Variants in RNF150 observed in about 807,000 individuals in gnomAD.
RNF150 encodes the protein ring finger protein 150.
A neutral mutation model predicts 39.3 loss-of-function variants in RNF150; 24 were observed. The ratio of observed to expected loss-of-function variants is 0.61; its 90% CI spans 0.44 to 0.86. The LOEUF (loss-of-function observed/expected upper bound fraction) is 0.86, where lower values mean the gene tolerates loss of function less well. Ranked by LOEUF, RNF150 falls within the 40% of genes least tolerant of loss-of-function variation. The pLI, the probability that RNF150 is intolerant of heterozygous loss-of-function variation, is 0.00. For synonymous variants in RNF150, 255 were observed against 227.3 expected, an observed-to-expected ratio of 1.12 and a Z score of -1.10; for missense variants, 502 against 587.8, an observed-to-expected ratio of 0.85 and a Z score of 1.51.
At chr4:141,154,539 G>A (rs935798758) in intron 1 of RNF150, among the ~76,000 whole-genome samples, 3 of 152,138 alleles carry the variant, frequency 2.0e-5, no homozygotes, top group African/African-American at 7.2e-5. Context: ...ACACACACTC[G>A]AGAACAAGTG....
chr4:140,937,102 T>A (rs923608649), intron 4 of RNF150, among the ~76,000 whole-genome samples: 1 of 152,152 alleles, frequency 6.6e-6, no homozygotes, highest in African/African-American at 2.4e-5. Context: ...GGAATGTATC[T>A]GAAGGGATAA....
Position 140,865,951 on chromosome 4 carries a change from C to T in RNF150, c.*2310G>A, listed in dbSNP as rs1307999572. The stretch of plus-strand genomic sequence containing the variant: ...TACTAAAATTTGTTTTGGGCAAAGC[C>T]GACTGAAGGAGGAGTCAGTGGCGCA... On this transcript the variant is annotated 3_prime_UTR_variant, in exon 7 of 7. Transcript: ENST00000515673. 1 of 152,124 alleles carries T rather than the reference C, an allele frequency of 6.6e-6. No individual in the cohort carries two copies. The highest frequency in any genetic ancestry group is 6.5e-5 in the Admixed American group (1 of 15,268). The allele number at this position is 152,124 out of a possible 1,614,324, so 9.4% of individuals were successfully genotyped here. A position where few individuals can be genotyped will look rare whatever the true frequency, so the allele number is the denominator to read the frequency against.
intron 1 of RNF150, among the ~76,000 whole-genome samples, chr4:141,078,929 A>G (rs1258414318): frequency 4.3e-5 from 6 of 140,388 alleles, no homozygotes; most frequent in African/African-American, 1.9e-4. Context: ...ATATATACAT[A>G]TATATACACA....
intron 1 of RNF150, among the ~76,000 whole-genome samples, chr4:140,980,801 C>T (rs1261648913): frequency 6.6e-6 from 1 of 152,124 alleles, no homozygotes; most frequent in Non-Finnish European, 1.5e-5. Flanking sequence ...AATGTCTTTC[C>T]TTTATAAATT....
chr4:141,126,854 G>A lies in RNF150; in HGVS notation c.484+5471C>T, dbSNP rs529758260. On this transcript the variant is annotated intron_variant, in intron 1 of 6. Coordinates refer to ENST00000515673, the MANE Select transcript of RNF150 (RefSeq NM_020724.2). ...AATAAGAAAACTGAGGGTGAGAAGA[G>A]AAAAAGTGACTGACTCAAAGTCAAA... 4.6e-5 allele frequency among the ~76,000 whole-genome samples: 7 copies of A among 152,248 alleles called. No homozygotes were observed. The South Asian group carries it at 1.4e-3, about 32-fold the overall frequency.
intron 1 of RNF150, among the ~76,000 whole-genome samples, chr4:141,206,862 A>G (rs1457308601): frequency 6.6e-6 from 1 of 152,076 alleles, no homozygotes; most frequent in East Asian, 1.9e-4. Context: ...AAACCAAGGA[A>G]GCCAGTAGTG....
intron 1 of RNF150, among the ~76,000 whole-genome samples, chr4:141,148,434 G>A (rs749214178): frequency 1.4e-4 from 21 of 152,048 alleles, no homozygotes; most frequent in Non-Finnish European, 1.9e-4. Context: ...GCTTTAGCAG[G>A]TTCTTAAAGC....
At position 140,941,833 on chromosome 4, in the gene RNF150, A is replaced by G. The variant is rs143410537; in HGVS notation, c.890+5821T>C. Among the ~76,000 whole-genome samples the G allele has an allele frequency of 8.5e-5, 13 of 152,330 alleles. 1 individual carries two copies. In the East Asian group the frequency reaches 2.5e-3, roughly 29 times the overall value. On this transcript the variant is annotated intron_variant, in intron 4 of 6. Coordinates refer to ENST00000515673, the MANE Select transcript of RNF150 (RefSeq NM_020724.2). ...AGCAATAATAATATAAATATATAAA[A>G]TTATCACTGTCAGGGTTTTGAGTGT... is the stretch of plus-strand genomic sequence containing the variant.
chr4:141,166,184 A>G (rs1301689362), intron 1 of RNF150, among the ~76,000 whole-genome samples: 3 of 152,238 alleles, frequency 2.0e-5, no homozygotes, highest in Admixed American at 2.0e-4. Flanking sequence ...CTATGCAAAT[A>G]AACTAGGAAA....
chr4:140,966,528 T>C (rs184331939), intron 2 of RNF150, among the ~76,000 whole-genome samples: 100 of 152,202 alleles, frequency 6.6e-4, no homozygotes, highest in Admixed American at 5.1e-3. Flanking sequence ...GACAACTCAA[T>C]TGAAAAGAAG....
intron 6 of RNF150, among the ~76,000 whole-genome samples, chr4:140,876,495 G>A (rs1265557426): frequency 6.6e-6 from 1 of 152,234 alleles, no homozygotes. Context: ...AGTGGCCTCT[G>A]ATGTGAGAAT....
chr4:140,878,937 G>A (rs1245344468), intron 6 of RNF150, among the ~76,000 whole-genome samples: 6 of 152,074 alleles, frequency 3.9e-5, no homozygotes, highest in Non-Finnish European at 5.9e-5. Flanking sequence ...GTATGCTTAC[G>A]CTCTAAGATA....
chr4:141,117,151 A>AT (rs1739575262), intron 1 of RNF150, among the ~76,000 whole-genome samples: 1 of 152,212 alleles, frequency 6.6e-6, no homozygotes, highest in Admixed American at 6.5e-5. Context: ...ATAATAAAAA[A>AT]ATATATACGT....
At chr4:141,139,648 A>G (rs1440906186) in intron 1 of RNF150, among the ~76,000 whole-genome samples, 1 of 152,230 alleles carries the variant, frequency 6.6e-6, no homozygotes, top group Non-Finnish European at 1.5e-5. Flanking sequence ...GTTTTTGACC[A>G]CTTAATGTAC....
chr4:140,922,668 C>A (rs1731207051), intron 5 of RNF150, among the ~76,000 whole-genome samples: 1 of 152,024 alleles, frequency 6.6e-6, no homozygotes, highest in Admixed American at 6.5e-5. Flanking sequence ...CCAAGTCAAT[C>A]CTAAGGCAAA....
At chr4:140,874,547 C>T (rs1187862569) in intron 6 of RNF150, among the ~76,000 whole-genome samples, 1 of 152,164 alleles carries the variant, frequency 6.6e-6, no homozygotes, top group Non-Finnish European at 1.5e-5. Flanking sequence ...AGTACTTAGT[C>T]CATGCCAAGA....
intron 1 of RNF150, among the ~76,000 whole-genome samples, chr4:141,208,911 T>C (rs28700051): frequency 0.62 from 93,805 of 152,046 alleles, 31,470 homozygotes; most frequent in African/African-American, 0.88. Context: ...AGACAAAGGA[T>C]TTCAGTATTC....
chr4:141,168,874 C>A (rs1270962299), intron 1 of RNF150, among the ~76,000 whole-genome samples: 1 of 152,078 alleles, frequency 6.6e-6, no homozygotes, highest in African/African-American at 2.4e-5. Context: ...AGCCAACCAC[C>A]AGGGCACATG....
chr4:140,997,688 C>CTGTATGTGTATATATACACACACATATA (rs1734426638), intron 1 of RNF150, among the ~76,000 whole-genome samples: 1 of 137,054 alleles, frequency 7.3e-6, no homozygotes, highest in Non-Finnish European at 1.6e-5. Context: ...GCACTCCAGC[C>CTGTATGTGTATATATACACACACATATA]TGTGTGTGTA....
Sources: allele counts gnomAD v4.1 joint callset (sites outside exome capture counted in the v4.1 genomes callset), GRCh38; gene constraint gnomAD v4.1.1; transcripts MANE v1.5; gene names NCBI Gene and HGNC (gene_info 2026-07-23, HGNC 2026-07-21).